Variants in UBR1 observed in about 807,000 individuals in gnomAD.
The protein encoded by UBR1 is E3 ubiquitin-protein ligase UBR1.
A neutral mutation model predicts 242.1 loss-of-function variants in UBR1; 102 were observed. The ratio of observed to expected loss-of-function variants is 0.42; its 90% CI spans 0.36 to 0.50. UBR1 has a LOEUF of 0.50. Ranked by LOEUF, UBR1 falls within the 20% of genes least tolerant of loss-of-function variation. UBR1 has a pLI of 0.01. For synonymous variants in UBR1, 675 were observed against 684.8 expected, an observed-to-expected ratio of 0.99 and a Z score of 0.22; for missense variants, 1,772 against 2,101.8, an observed-to-expected ratio of 0.84 and a Z score of 3.07.
At chr15:42,981,522 C>T (rs986794612) in intron 37 of UBR1, among the ~76,000 whole-genome samples, 1 of 152,062 alleles carries the variant, frequency 6.6e-6, no homozygotes, top group Non-Finnish European at 1.5e-5. Flanking sequence ...TGGAATCTCG[C>T]TCTGTCGCCC....
intron 4 of UBR1, among the ~76,000 whole-genome samples, chr15:43,074,172 T>C (rs1047800743): frequency 1.3e-5 from 2 of 152,100 alleles, no homozygotes; most frequent in Admixed American, 6.6e-5. Flanking sequence ...ATTAAAAGAG[T>C]ATTTTATAAT....
At chr15:43,036,306 T>G (rs369482218) in intron 18 of UBR1, 27 bp from the exon 19 acceptor site, 1 of 1,582,974 alleles carries the variant, frequency 6.3e-7, no homozygotes, top group Non-Finnish European at 8.7e-7. Context: ...GCATCATATT[T>G]CTTCTGTATT....
At chr15:43,022,435 C>CAA (rs76731124) in intron 26 of UBR1, among the ~76,000 whole-genome samples, 3 of 103,534 alleles carry the variant, frequency 2.9e-5, no homozygotes, top group Non-Finnish European at 4.2e-5. Context: ...TATATGCAAC[C>CAA]AAAAAAAAAA....
At chr15:43,002,466 C>G in intron 32 of UBR1, 89 bp downstream of exon 32, 1 of 1,439,362 alleles carries the variant, frequency 6.9e-7, no homozygotes, top group Non-Finnish European at 9.6e-7. Flanking sequence ...GGCAATCCGC[C>G]CATCTCAGTC....
intron 46 of UBR1, among the ~76,000 whole-genome samples, chr15:42,946,181 G>T (rs545469007): frequency 6.6e-6 from 1 of 151,938 alleles, no homozygotes; most frequent in South Asian, 2.1e-4. Flanking sequence ...CTGGAGTGCC[G>T]TGGTACGATC....
At chr15:42,963,094 C>T (rs1487683407) in intron 42 of UBR1, among the ~76,000 whole-genome samples, 1 of 152,134 alleles carries the variant, frequency 6.6e-6, no homozygotes, top group Non-Finnish European at 1.5e-5. Context: ...TGTGATTGTA[C>T]TCAACACAAA....
intron 37 of UBR1, among the ~76,000 whole-genome samples, chr15:42,982,670 T>C (rs1416964522): frequency 6.6e-6 from 1 of 152,086 alleles, no homozygotes; most frequent in Non-Finnish European, 1.5e-5. Context: ...TTGTGGGGAT[T>C]GACAAGGAAA....
chr15:42,991,393 T>C (rs1204775902), intron 33 of UBR1, among the ~76,000 whole-genome samples: 2 of 151,976 alleles, frequency 1.3e-5, no homozygotes, highest in African/African-American at 2.4e-5. Context: ...CGCACCACTG[T>C]GCCTGGCTCT....
chr15:42,947,801 A>C (rs1399936199), intron 46 of UBR1, among the ~76,000 whole-genome samples: 2 of 152,228 alleles, frequency 1.3e-5, no homozygotes, highest in Admixed American at 1.3e-4. Flanking sequence ...AAACAAATGG[A>C]AGAACATTCC....
chr15:43,036,542 T>G lies in UBR1; in HGVS notation c.2074A>C (p.Ile692Leu). The G allele has an allele frequency of 6.3e-7, 1 of 1,595,940 alleles. No individual in the cohort carries two copies. The highest frequency in any genetic ancestry group is 1.1e-5 in the South Asian group (1 of 90,624). The change falls in exon 18 of 47, where the codon ATC becomes CTC. Residue 692 changes from isoleucine to leucine, a missense_variant. Physicochemically the swap from Ile to Leu is conservative, Grantham distance 5. This residue lies in a region of UBR1 where 734 missense variants were observed against 893.3 expected (regional missense o/e 0.82). Coordinates refer to ENST00000290650, the MANE Select transcript of UBR1 (RefSeq NM_174916.3). ...TAAATAGGTACCTGAAGCATGATGATATCTTTATCATACATTTCTTCTCTG... is the reference window on the plus strand; with the variant it reads ...TAAATAGGTACCTGAAGCATGATGAGATCTTTATCATACATTTCTTCTCTG... The part of the protein sequence containing the change: ...KCREEMYDKD[I>L]IMLQIGASLM...
chr15:42,967,859 C>T (rs1022295412), intron 40 of UBR1, among the ~76,000 whole-genome samples: 17 of 151,442 alleles, frequency 1.1e-4, no homozygotes, highest in African/African-American at 4.1e-4. Flanking sequence ...TGTAGTTCAG[C>T]AGAGCATGCC....
chr15:42,966,085 A>G (rs1259937309), intron 41 of UBR1, 68 bp downstream of exon 41: 1 of 1,608,870 alleles, frequency 6.2e-7, no homozygotes, highest in African/African-American at 1.3e-5. Context: ...CCTTGTATTC[A>G]TGAGCTTGAA....
Position 42,998,250 on chromosome 15 carries a change from A to G in UBR1, c.3675T>C (p.Ala1225=), listed in dbSNP as rs763318385. ...PQKINSENAD[A]LAQLLTLARW... is the part of the protein sequence containing the mutation. Reference sequence around the variant, plus strand: ...GTGCCAGGGTCAAAAGTTGAGCAAGAGCATCTGCATTCTCACTGAAAAATG... The same window carrying G: ...GTGCCAGGGTCAAAAGTTGAGCAAGGGCATCTGCATTCTCACTGAAAAATG... Residue 1225 remains alanine, a synonymous_variant, in exon 33 of 47, where the codon GCT becomes GCC. Transcript: ENST00000290650. 2 of 1,613,944 alleles carry G rather than the reference A, an allele frequency of 1.2e-6. No individual in the cohort carries two copies. Among genetic ancestry groups the G allele is most frequent in the Non-Finnish European group, 1.7e-6 (2 of 1,179,864 alleles).
At chr15:42,991,246 A>G (rs1227195042) in intron 33 of UBR1, among the ~76,000 whole-genome samples, 1 of 151,744 alleles carries the variant, frequency 6.6e-6, no homozygotes, top group Non-Finnish European at 1.5e-5. Context: ...ACTGCACTCC[A>G]GCCTGGGCGA....
chr15:43,020,022 C>G (rs1238460028), intron 27 of UBR1, among the ~76,000 whole-genome samples: 3 of 151,968 alleles, frequency 2.0e-5, no homozygotes, highest in African/African-American at 4.8e-5. Context: ...AGCTCAAGCA[C>G]CAAATCCAGG....
intron 2 of UBR1, among the ~76,000 whole-genome samples, chr15:43,083,804 A>C (rs1056432445): frequency 1.3e-5 from 2 of 151,976 alleles, no homozygotes; most frequent in African/African-American, 4.8e-5. Flanking sequence ...GCACTATGGG[A>C]GGCCAAGGTG....
Position 43,074,625 on chromosome 15 carries a change from T to G in UBR1, c.528+354A>C, listed in dbSNP as rs1416059153. Reference sequence around the variant, plus strand: ...TTGTATTTTTAGTAGAGACAGGGTTTCATCATGTTGGCCAGGCTGGTCTCA... The same window carrying G: ...TTGTATTTTTAGTAGAGACAGGGTTGCATCATGTTGGCCAGGCTGGTCTCA... On this transcript the variant is annotated intron_variant, in intron 4 of 46. Coordinates refer to ENST00000290650, the MANE Select transcript of UBR1 (RefSeq NM_174916.3). Among the ~76,000 whole-genome samples, 6 of 152,228 alleles carry G rather than the reference T, an allele frequency of 3.9e-5. No homozygotes were observed. In the East Asian group the frequency reaches 1.2e-3, roughly 29 times the overall value.
At chr15:43,011,408 A>C (rs776423524) in intron 29 of UBR1, among the ~76,000 whole-genome samples, 2 of 152,200 alleles carry the variant, frequency 1.3e-5, no homozygotes, top group African/African-American at 2.4e-5. Context: ...AGTATTAATA[A>C]TTTTAAGACT....
chr15:43,037,951 T>C, intron 16 of UBR1, 68 bp from the exon 17 acceptor site: 1 of 1,433,874 alleles, frequency 7.0e-7, no homozygotes. Flanking sequence ...GTTATGCCAC[T>C]ACATATTCTT....
Sources: gnomAD v4.1 joint callset for allele counts (sites outside exome capture counted in the v4.1 genomes callset) on GRCh38, gnomAD v4.1.1 for gene constraint, gnomAD v4.1.1 regional missense constraint, MANE v1.5 for transcripts, NCBI Gene and HGNC (gene_info 2026-07-23, HGNC 2026-07-21) for gene names.